Variants in ELMO1 observed in about 807,000 individuals in gnomAD.
The protein encoded by ELMO1 is engulfment and cell motility 1, also known as engulfment and cell motility protein 1.
A neutral mutation model predicts 98.9 loss-of-function variants in ELMO1; 26 were observed. The ratio of observed to expected loss-of-function variants is 0.26; its 90% CI spans 0.19 to 0.36. The LOEUF (loss-of-function observed/expected upper bound fraction) is 0.36, where lower values mean the gene tolerates loss of function less well. Ranked by LOEUF, ELMO1 falls within the 10% of genes least tolerant of loss-of-function variation. The pLI is 1.00. For synonymous variants in ELMO1, 346 were observed against 346.0 expected (o/e 1.00, Z 0.00); for missense variants, 627 against 935.2 (o/e 0.67, Z 4.30).
chr7:37,110,309 G>C (rs925937243), intron 14 of ELMO1, among the ~76,000 whole-genome samples: 1 of 152,160 alleles, frequency 6.6e-6, no homozygotes, highest in African/African-American at 2.4e-5. Flanking sequence ...TATCTGCACA[G>C]GTGCCCAGGG....
chr7:36,987,118 G>T (rs1001520362), intron 16 of ELMO1, among the ~76,000 whole-genome samples: 4 of 152,124 alleles, frequency 2.6e-5, no homozygotes, highest in African/African-American at 9.7e-5. Context: ...GAGTGTTCAG[G>T]CCCAGCTCTT....
At chr7:37,007,044 T>TAG (rs397967457) in intron 16 of ELMO1, among the ~76,000 whole-genome samples, 3 of 152,050 alleles carry the variant, frequency 2.0e-5, no homozygotes, top group African/African-American at 7.3e-5. Context: ...GACACACATA[T>TAG]GAAACTCTTT....
intron 16 of ELMO1, among the ~76,000 whole-genome samples, chr7:36,927,467 G>A (rs1486091527): frequency 5.9e-5 from 9 of 152,176 alleles, no homozygotes; most frequent in African/African-American, 2.2e-4. Flanking sequence ...ACAATCTGCT[G>A]CTCAACAGCA....
chr7:36,928,330 C>T (rs554101608), intron 16 of ELMO1, among the ~76,000 whole-genome samples: 11 of 152,250 alleles, frequency 7.2e-5, no homozygotes, highest in East Asian at 5.8e-4. Flanking sequence ...AGGGCCTTGA[C>T]GGCAATGCTT....
At chr7:37,236,316 C>G (rs1794456898) in intron 7 of ELMO1, among the ~76,000 whole-genome samples, 1 of 152,214 alleles carries the variant, frequency 6.6e-6, no homozygotes, top group African/African-American at 2.4e-5. Context: ...AGATTTCAAT[C>G]TCTATGGCTG....
intron 15 of ELMO1, among the ~76,000 whole-genome samples, chr7:37,052,862 G>A (rs1226040327): frequency 6.6e-6 from 1 of 152,140 alleles, no homozygotes; most frequent in Non-Finnish European, 1.5e-5. Context: ...CAGCACCAAG[G>A]AGAGCACCAA....
intron 14 of ELMO1, among the ~76,000 whole-genome samples, chr7:37,125,238 T>A (rs1479747356): frequency 6.6e-6 from 1 of 152,136 alleles, no homozygotes; most frequent in African/African-American, 2.4e-5. Context: ...AAGGACTTCA[T>A]GTCTAAAACA....
chr7:37,259,818 C>A (rs768472060), intron 5 of ELMO1, among the ~76,000 whole-genome samples: 1 of 152,186 alleles, frequency 6.6e-6, no homozygotes, highest in Non-Finnish European at 1.5e-5. Context: ...TACACATGTT[C>A]GGGAGCTTCA....
intron 16 of ELMO1, among the ~76,000 whole-genome samples, chr7:36,979,572 G>A (rs1364405809): frequency 6.6e-6 from 1 of 152,166 alleles, no homozygotes; most frequent in Non-Finnish European, 1.5e-5. Flanking sequence ...AAAGCTAAAA[G>A]GTGTGGCTCT....
chr7:36,862,704 A>G (rs764047109), intron 20 of ELMO1, among the ~76,000 whole-genome samples: 1 of 152,252 alleles, frequency 6.6e-6, no homozygotes, highest in Non-Finnish European at 1.5e-5. Context: ...CTGTTCCAGC[A>G]TGGAGGTTCC....
At chr7:37,353,921 C>G (rs573132960) in intron 1 of ELMO1, among the ~76,000 whole-genome samples, 1 of 152,330 alleles carries the variant, frequency 6.6e-6, no homozygotes, top group Non-Finnish European at 1.5e-5. Flanking sequence ...TGTCTTTGTT[C>G]AGAATGTTCT....
At chr7:37,360,009 C>T (rs1801637343) in intron 1 of ELMO1, among the ~76,000 whole-genome samples, 1 of 152,166 alleles carries the variant, frequency 6.6e-6, no homozygotes, top group African/African-American at 2.4e-5. Flanking sequence ...TGAGAGTCAG[C>T]TCTGCGGAAA....
intron 15 of ELMO1, among the ~76,000 whole-genome samples, chr7:37,026,959 C>T (rs1794615562): frequency 1.3e-5 from 2 of 152,158 alleles, no homozygotes; most frequent in African/African-American, 4.8e-5. Context: ...ATGCCTCCAG[C>T]TACATGCTTT....
chr7:36,932,626 T>C (rs1786143613), intron 16 of ELMO1, among the ~76,000 whole-genome samples: 1 of 152,222 alleles, frequency 6.6e-6, no homozygotes, highest in Non-Finnish European at 1.5e-5. Context: ...CTTATGCTTC[T>C]GTAACTGAAG....
chr7:37,256,836 G>A (rs1002674684), intron 6 of ELMO1, among the ~76,000 whole-genome samples: 2 of 151,908 alleles, frequency 1.3e-5, no homozygotes, highest in African/African-American at 4.8e-5. Flanking sequence ...GAGGGGCCCA[G>A]AAAGATCTCT....
At chr7:37,054,324 T>C (rs1796280322) in intron 15 of ELMO1, among the ~76,000 whole-genome samples, 1 of 152,214 alleles carries the variant, frequency 6.6e-6, no homozygotes, top group South Asian at 2.1e-4. Context: ...AAGACTGTGA[T>C]AATGATGACA....
At chr7:37,126,287 A>C (rs1450091872) in intron 14 of ELMO1, among the ~76,000 whole-genome samples, 1 of 134,618 alleles carries the variant, frequency 7.4e-6, no homozygotes, top group African/African-American at 2.9e-5. Context: ...CCTAGAACTT[A>C]AAGTATAATT....
At position 37,200,059 on chromosome 7, in the gene ELMO1, G is replaced by A. The variant is rs993611868; in HGVS notation, c.1086+11327C>T. Among the ~76,000 whole-genome samples the A allele has an allele frequency of 2.0e-5, 3 of 152,140 alleles. No homozygotes were observed. In the South Asian group the frequency reaches 6.2e-4, roughly 32 times the overall value. On this transcript the variant is annotated intron_variant, in intron 13 of 21. Coordinates refer to ENST00000310758, the MANE Select transcript of ELMO1 (RefSeq NM_014800.11). ...AGCTAACCTTTTCTTTCCTACATGTGCAGCTACAACTTGTTTTTTATCCCC... is the reference window on the plus strand; with the variant it reads ...AGCTAACCTTTTCTTTCCTACATGTACAGCTACAACTTGTTTTTTATCCCC...
intron 1 of ELMO1, among the ~76,000 whole-genome samples, chr7:37,440,560 G>A (rs1364145079): frequency 1.3e-5 from 2 of 152,008 alleles, no homozygotes; most frequent in African/African-American, 4.8e-5. Context: ...CACGAGGTCA[G>A]GAGTTTGAGA....
Sources: gnomAD v4.1 joint callset for allele counts (sites outside exome capture counted in the v4.1 genomes callset) on GRCh38, gnomAD v4.1.1 for gene constraint, MANE v1.5 for transcripts, NCBI Gene and HGNC (gene_info 2026-07-23, HGNC 2026-07-21) for gene names.